The following TRIM14 variants were observed in gnomAD, a reference collection of about 807,000 sequenced individuals.
The protein encoded by TRIM14 is tripartite motif containing 14.
A neutral mutation model predicts 44.5 loss-of-function variants in TRIM14; 28 were observed. The ratio of observed to expected loss-of-function variants is 0.63; its 90% CI spans 0.47 to 0.86. The LOEUF (loss-of-function observed/expected upper bound fraction) is 0.86. Among genes scored for constraint, TRIM14 ranks in the 40% least tolerant of loss-of-function variants. The pLI, the probability that TRIM14 is intolerant of heterozygous loss-of-function variation, is 0.00. For synonymous variants in TRIM14, 299 were observed against 269.2 expected, an observed-to-expected ratio of 1.11 and a Z score of -1.08; for missense variants, 607 against 611.1, an observed-to-expected ratio of 0.99 and a Z score of 0.07.
chr9:98,061,783 A>C, the TRIM14 span, among the ~76,000 whole-genome samples: 2 of 151,450 alleles, frequency 1.3e-5, no homozygotes, highest in Non-Finnish European at 2.9e-5. Flanking sequence ...CGTCTCAAAA[A>C]AAAAAAAAAT....
the TRIM14 span, among the ~76,000 whole-genome samples, chr9:98,039,962 C>A: frequency 2.0e-5 from 3 of 152,136 alleles, no homozygotes; most frequent in African/African-American, 7.2e-5. Flanking sequence ...GTAAGGTGAA[C>A]CCCTGGGTGG....
At chr9:98,111,823 A>G (rs1416599230) in intron 1 of TRIM14, among the ~76,000 whole-genome samples, 1 of 152,136 alleles carries the variant, frequency 6.6e-6, no homozygotes, top group Non-Finnish European at 1.5e-5. Flanking sequence ...CTGTAATCCC[A>G]GCTACTCGGG....
At chr9:98,080,684 G>GC, downstream of TRIM14, 1 of 949,226 alleles carries the variant, frequency 1.1e-6, no homozygotes, top group Non-Finnish European at 1.5e-6. Flanking sequence ...GGCTCAGAGA[G>GC]CCTCAGTATC....
Position 98,109,847 on chromosome 9 carries a change from TG to T in TRIM14, c.303+41del, listed in dbSNP as rs756461194. On this transcript the variant is annotated intron_variant, in intron 2 of 5. Coordinates refer to ENST00000341469, the MANE Select transcript of TRIM14 (RefSeq NM_014788.4). ...GGGGTCCCTTTTGTCTGGGGGGAAA[TG>T]TGGGTCTTTCCATGGGTATGAGGAA... 75 of 1,520,556 alleles carry T rather than the reference TG, an allele frequency of 4.9e-5. 1 individual carries two copies. The African/African-American group carries it at 9.0e-4, about 18-fold the overall frequency. The allele number at this position is 1,520,556 out of a possible 1,614,324, so 94.2% of individuals were successfully genotyped here.
chr9:98,048,064 C>CAAA, the TRIM14 span, among the ~76,000 whole-genome samples: 1 of 107,532 alleles, frequency 9.3e-6, no homozygotes, highest in African/African-American at 2.9e-5. Flanking sequence ...GACTCCTTCT[C>CAAA]AAAAAAAAAA....
At position 98,085,052 on chromosome 9, in the gene TRIM14, AGCTCTGTCTCT is replaced by A. The variant is rs1209313502; in HGVS notation, c.*2407_*2417del. ...AGCTAGTTTGTGACCTTTACAGTCT[AGCTCTGTCTCT>A]GCTACATGAATCCCAAATTTTTGAA... On this transcript the variant is annotated 3_prime_UTR_variant, in exon 6 of 6. Coordinates refer to ENST00000341469, the MANE Select transcript of TRIM14 (RefSeq NM_014788.4). 2 of 152,228 alleles carry A rather than the reference AGCTCTGTCTCT, an allele frequency of 1.3e-5. No individual in the cohort carries two copies. Among genetic ancestry groups the A allele is most frequent in the Admixed American group, 6.5e-5 (1 of 15,280 alleles). The allele number at this position is 152,228 out of a possible 1,614,324, so 9.4% of individuals were successfully genotyped here. A position where few individuals can be genotyped will look rare whatever the true frequency, so the allele number is the denominator to read the frequency against.
downstream of TRIM14, among the ~76,000 whole-genome samples, chr9:98,079,908 A>G (rs934941871): frequency 3.3e-5 from 5 of 152,078 alleles, no homozygotes. Context: ...TAACCCTCCT[A>G]ATCTTTTGTT....
chr9:98,118,800 C>G (rs1827141392), intron 1 of TRIM14, among the ~76,000 whole-genome samples, 182 bp downstream of exon 1: 1 of 152,212 alleles, frequency 6.6e-6, no homozygotes, highest in African/African-American at 2.4e-5. Context: ...TTTGCCCTTC[C>G]TTGGGTCTCA....
chr9:98,094,880 A>G lies in TRIM14; in HGVS notation c.687T>C (p.Ile229=). The change falls in exon 4 of 6, where the codon ATT becomes ATC. Residue 229 remains isoleucine, a synonymous_variant. Transcript: ENST00000341469. ...TCGGCGACTTACTTTCCTTAAGGCG[A>G]ATGTCCAATGGCGTCTGTAATGTAC... ...VESTLQTPLD[I]RLKESINCQL... is the part of the protein sequence containing the mutation. The G allele has an allele frequency of 6.2e-7, 1 of 1,613,776 alleles. No individual in the cohort carries two copies. Among genetic ancestry groups the G allele is most frequent in the Non-Finnish European group, 8.5e-7 (1 of 1,179,840 alleles).
intron 4 of TRIM14, among the ~76,000 whole-genome samples, chr9:98,092,968 T>C (rs1442925636): frequency 6.6e-6 from 1 of 152,178 alleles, no homozygotes; most frequent in Non-Finnish European, 1.5e-5. Context: ...TTGGCTGAAG[T>C]TGTTCTTTCA....
intron 2 of TRIM14, among the ~76,000 whole-genome samples, chr9:98,101,518 C>T (rs942791280): frequency 3.3e-5 from 5 of 151,662 alleles, no homozygotes; most frequent in South Asian, 2.1e-4. Context: ...CTCCGCTTCC[C>T]GGGTACAAGC....
At chr9:98,090,304 T>A (rs1825947280) in intron 5 of TRIM14, among the ~76,000 whole-genome samples, 1 of 152,174 alleles carries the variant, frequency 6.6e-6, no homozygotes, top group South Asian at 2.1e-4. Flanking sequence ...ATAAATCTCA[T>A]ATTGAGTGAA....
At chr9:98,067,232 T>G (rs535017626), downstream of TRIM14, among the ~76,000 whole-genome samples, 5 of 152,356 alleles carry the variant, frequency 3.3e-5, no homozygotes, top group African/African-American at 9.6e-5. Context: ...TGTACAGGTT[T>G]TATATGGACA....
rs1479555456 is a variant in TRIM14 at position 98,087,978 on chromosome 9, T to G, written c.821A>C (p.Asp274Ala). Reference protein sequence around the residue: ...KYARTPTLDPDTMHARLRLSA... With the variant: ...KYARTPTLDPATMHARLRLSA... ...CAGGCGCAGGCGCGCGTGCATCGTG[T>G]CAGGATCCAGCGTGGGCGTGCGCGC... The change falls in exon 6 of 6, where the codon GAC becomes GCC. Residue 274 changes from aspartate to alanine, a missense_variant. By Grantham distance (126) the Asp-to-Ala change is moderately radical. This residue lies in a region of TRIM14 where 356 missense variants were observed against 323.0 expected (regional missense o/e 1.10). Transcript: ENST00000341469. The G allele has an allele frequency of 6.4e-7, 1 of 1,558,022 alleles. No homozygotes were observed. The highest frequency in any genetic ancestry group is 8.6e-7 in the Non-Finnish European group (1 of 1,163,472).
chr9:98,100,629 G>A (rs1564182027), intron 2 of TRIM14, among the ~76,000 whole-genome samples: 1 of 152,106 alleles, frequency 6.6e-6, no homozygotes, highest in Non-Finnish European at 1.5e-5. Context: ...TGCCTTATCT[G>A]CCTTATCTGA....
chr9:98,093,691 G>A (rs560223803), intron 4 of TRIM14, among the ~76,000 whole-genome samples: 1 of 152,116 alleles, frequency 6.6e-6, no homozygotes, highest in African/African-American at 2.4e-5. Flanking sequence ...ATATAAAACA[G>A]CTCCTCCTCC....
chr9:98,090,235 G>T (rs145580956), intron 5 of TRIM14, among the ~76,000 whole-genome samples: 3 of 152,346 alleles, frequency 2.0e-5, no homozygotes, highest in African/African-American at 7.2e-5. Context: ...TCTGTAGATA[G>T]CTTAGAAGTA....
chr9:98,071,092 G>A (rs1459774801), intron 6 of TRIM14, among the ~76,000 whole-genome samples: 1 of 152,200 alleles, frequency 6.6e-6, no homozygotes, highest in Non-Finnish European at 1.5e-5. Context: ...GATTACAGGT[G>A]TGAGCCACTG....
At chr9:98,107,839 T>C (rs1196111323) in intron 2 of TRIM14, among the ~76,000 whole-genome samples, 1 of 75,562 alleles carries the variant, frequency 1.3e-5, no homozygotes, top group Non-Finnish European at 2.6e-5. Context: ...TTTTTTGTAT[T>C]TTTTTTTTAG....
Sources: gnomAD v4.1 joint callset for allele counts (sites outside exome capture counted in the v4.1 genomes callset) on GRCh38, gnomAD v4.1.1 for gene constraint, gnomAD v4.1.1 regional missense constraint, MANE v1.5 for transcripts, NCBI Gene and HGNC (gene_info 2026-07-23, HGNC 2026-07-21) for gene names.